The following TANC2 variants were observed in gnomAD, a reference collection of about 807,000 sequenced individuals.
The protein encoded by TANC2 is tetratricopeptide repeat, ankyrin repeat and coiled-coil containing 2, also known as protein TANC2.
A neutral mutation model predicts 210.5 loss-of-function variants in TANC2; 26 were observed. The ratio of observed to expected loss-of-function variants is 0.12; its 90% confidence interval spans 0.09 to 0.17. TANC2 has a LOEUF of 0.17. TANC2 is among the 10% of genes least tolerant of loss of function. TANC2 has a pLI of 1.00. For missense variants in TANC2, 2,129 were observed against 2,608.9 expected (o/e 0.82, Z 4.01); for synonymous variants, 931 against 967.1 (o/e 0.96, Z 0.69).
intron 1 of TANC2, among the ~76,000 whole-genome samples, chr17:62,983,417 G>C (rs1026282142): frequency 4.2e-4 from 64 of 151,886 alleles, no homozygotes; most frequent in Non-Finnish European, 8.1e-4. Flanking sequence ...TCTGCAAACA[G>C]GTTCAGTTTG....
intron 22 of TANC2, 24 bp from the exon 23 acceptor site, chr17:63,411,974 T>C: frequency 6.2e-7 from 1 of 1,613,526 alleles, no homozygotes; most frequent in Non-Finnish European, 8.5e-7. Context: ...CTGTCCTAAC[T>C]TCTCTGCTTG....
chr17:63,365,813 A>G (rs537024966), intron 14 of TANC2, among the ~76,000 whole-genome samples: 20 of 152,150 alleles, frequency 1.3e-4, no homozygotes, highest in Admixed American at 9.8e-4. Flanking sequence ...CCACCTCCTC[A>G]GAAAGACTTC....
chr17:62,995,686 C>G (rs928258159), intron 1 of TANC2, among the ~76,000 whole-genome samples: 2 of 152,232 alleles, frequency 1.3e-5, no homozygotes, highest in African/African-American at 4.8e-5. Flanking sequence ...ACTTCCCTTT[C>G]TCAAGACTTC....
intron 9 of TANC2, among the ~76,000 whole-genome samples, chr17:63,268,978 G>A (rs1159788132): frequency 1.3e-5 from 2 of 152,062 alleles, no homozygotes; most frequent in African/African-American, 4.8e-5. Context: ...TTATCTTACG[G>A]ATGATTTTCA....
intron 7 of TANC2, among the ~76,000 whole-genome samples, chr17:63,222,649 T>C (rs2440137): frequency 0.58 from 88,723 of 151,894 alleles, 27,912 homozygotes; most frequent in African/African-American, 0.82. Context: ...GATACATTTG[T>C]CAAAACTGCA....
chr17:63,106,231 A>G (rs2037817942), intron 4 of TANC2, among the ~76,000 whole-genome samples: 1 of 151,684 alleles, frequency 6.6e-6, no homozygotes, highest in Non-Finnish European at 1.5e-5. Context: ...ATTCAATATA[A>G]TAATTTCAAT....
chr17:63,002,446 CAGTCCATCAATCCACCTT>C (rs1391345304), intron 1 of TANC2, among the ~76,000 whole-genome samples: 5 of 152,214 alleles, frequency 3.3e-5, no homozygotes, highest in Admixed American at 6.5e-5. Context: ...ATGCCTCCAT[CAGTCCATCAATCCACCTT>C]ATTTTTTGAT....
At position 63,420,827 on chromosome 17, in the gene TANC2, T is replaced by C; in HGVS notation, c.5097T>C (p.Ser1699=). 1 of 1,613,926 alleles carries C rather than the reference T, an allele frequency of 6.2e-7. No homozygotes were observed. Among genetic ancestry groups the C allele is most frequent in the Non-Finnish European group, 8.5e-7 (1 of 1,179,874 alleles). The change falls in exon 28 of 28, where the codon AGT becomes AGC. Residue 1699 remains serine, a synonymous_variant. Coordinates refer to ENST00000689528, the Ensembl canonical transcript of TANC2. This position sits in a 1 kb window ranked among gnomAD's most constrained non-coding sequence, Gnocchi z 4.2. Reference sequence around the variant, plus strand: ...CTGCCAAGGCCCAGATTGTGAGAAGTAACCAGCCCAGCCCAGCCGTCCATT... The same window carrying C: ...CTGCCAAGGCCCAGATTGTGAGAAGCAACCAGCCCAGCCCAGCCGTCCATT...
intron 7 of TANC2, among the ~76,000 whole-genome samples, chr17:63,227,030 C>T (rs1463304987): frequency 2.0e-5 from 3 of 152,018 alleles, no homozygotes; most frequent in African/African-American, 7.2e-5. Context: ...TATTCCATAT[C>T]TTTGCTATTG....
intron 5 of TANC2, among the ~76,000 whole-genome samples, chr17:63,176,154 A>C (rs1297743522): frequency 6.6e-6 from 1 of 152,224 alleles, no homozygotes; most frequent in Non-Finnish European, 1.5e-5. Context: ...TATGAAGCTA[A>C]AATTATAAAC....
At chr17:63,007,252 A>G (rs187125323) in intron 1 of TANC2, among the ~76,000 whole-genome samples, 76 of 152,258 alleles carry the variant, frequency 5.0e-4, no homozygotes, top group African/African-American at 1.7e-3. Flanking sequence ...GAGTTATGCT[A>G]TCTTCTTGTT....
chr17:63,188,335 C>CGT (rs1294659453), intron 5 of TANC2, among the ~76,000 whole-genome samples: 1 of 150,944 alleles, frequency 6.6e-6, no homozygotes, highest in African/African-American at 2.4e-5. Context: ...GGTGCAGTGG[C>CGT]GTAGTCCCAG....
intron 2 of TANC2, among the ~76,000 whole-genome samples, chr17:63,053,447 A>G (rs1490399782): frequency 2.0e-5 from 3 of 152,142 alleles, no homozygotes; most frequent in Non-Finnish European, 4.4e-5. Flanking sequence ...CTTTGTTTCT[A>G]TACTCTCCTT....
intron 5 of TANC2, chr17:63,154,315 A>C (rs990807817): frequency 6.6e-6 from 1 of 152,152 alleles, no homozygotes; most frequent in African/African-American, 2.4e-5. Context: ...TAGTCCAAAA[A>C]TATATTGCCC....
At chr17:63,269,413 C>T (rs1291267198) in intron 9 of TANC2, among the ~76,000 whole-genome samples, 2 of 152,048 alleles carry the variant, frequency 1.3e-5, no homozygotes, top group African/African-American at 4.8e-5. Context: ...GATTTGCGCC[C>T]CGACCAGAAT....
At chr17:63,358,173 G>A (rs1598934133) in intron 14 of TANC2, among the ~76,000 whole-genome samples, 3 of 152,222 alleles carry the variant, frequency 2.0e-5, no homozygotes, top group Non-Finnish European at 4.4e-5. Flanking sequence ...GCAGGAAATA[G>A]CAGAGCCAGA....
At chr17:63,136,731 G>T (rs980065069) in intron 4 of TANC2, among the ~76,000 whole-genome samples, 6 of 152,198 alleles carry the variant, frequency 3.9e-5, no homozygotes, top group African/African-American at 1.4e-4. Context: ...ACTGTTTTCA[G>T]ACATTGGATA....
chr17:63,175,078 A>G (rs2040530225), intron 5 of TANC2, among the ~76,000 whole-genome samples: 1 of 152,220 alleles, frequency 6.6e-6, no homozygotes, highest in South Asian at 2.1e-4. Flanking sequence ...CCAAAGAAAA[A>G]AACTATTTGT....
intron 1 of TANC2, among the ~76,000 whole-genome samples, chr17:63,008,011 T>A (rs1458293031): frequency 1.3e-5 from 2 of 150,038 alleles, no homozygotes; most frequent in Non-Finnish European, 3.0e-5. Context: ...TTTTTCAGAA[T>A]TTTTAAGTCA....
Sources: gnomAD v4.1 joint callset for allele counts (sites outside exome capture counted in the v4.1 genomes callset) on GRCh38, gnomAD v4.1.1 for gene constraint, Gnocchi (gnomAD v3.1) non-coding constraint, MANE v1.5 for transcripts, NCBI Gene and HGNC (gene_info 2026-07-23, HGNC 2026-07-21) for gene names.